Variants in CTNNA3 observed in about 807,000 individuals in gnomAD.
CTNNA3 encodes catenin alpha-3.
A neutral mutation model predicts 95.7 loss-of-function variants in CTNNA3; 76 were observed. That is an observed-to-expected ratio of 0.79 (90% CI 0.66 to 0.96). CTNNA3 has a LOEUF of 0.96. Ranked by LOEUF, CTNNA3 falls within the 40% of genes least tolerant of loss-of-function variation. The pLI, the probability that CTNNA3 is intolerant of heterozygous loss-of-function variation, is 0.00. For missense variants in CTNNA3, 1,191 were observed against 1,089.8 expected, an observed-to-expected ratio of 1.09 and a Z score of -1.31; for synonymous variants, 431 against 374.4, an observed-to-expected ratio of 1.15 and a Z score of -1.74.
intron 7 of CTNNA3, among the ~76,000 whole-genome samples, chr10:66,800,340 T>C (rs1159823412): frequency 1.3e-5 from 2 of 151,318 alleles, no homozygotes; most frequent in Admixed American, 6.6e-5. Context: ...GATGCTTATT[T>C]GGCAGTGTTT....
rs921502353 is a variant in CTNNA3, at chr10:66,453,449, C to T, written c.1531+67168G>A. 6.6e-5 allele frequency among the ~76,000 whole-genome samples: 10 copies of T among 152,208 alleles called. 1 individual carries two copies. Among genetic ancestry groups the T allele is most frequent in the Admixed American group, 2.6e-4 (4 of 15,288 alleles). The stretch of plus-strand genomic sequence containing the variant: ...CTTAGCAGAACCAGGTAACTAAAGC[C>T]CCAGCTTTTTGGCTGGAGATCCGGC... On this transcript the variant is annotated intron_variant, in intron 11 of 17. Coordinates refer to ENST00000433211, the MANE Select transcript of CTNNA3 (RefSeq NM_013266.4).
At chr10:66,054,290 G>T (rs1007180439) in intron 15 of CTNNA3, among the ~76,000 whole-genome samples, 1 of 152,114 alleles carries the variant, frequency 6.6e-6, no homozygotes, top group Non-Finnish European at 1.5e-5. Flanking sequence ...TTTAGATTTT[G>T]AGTAACCTCT....
At chr10:66,708,516 C>A (rs1031750691) in intron 9 of CTNNA3, among the ~76,000 whole-genome samples, 2 of 151,890 alleles carry the variant, frequency 1.3e-5, no homozygotes, top group Non-Finnish European at 2.9e-5. Flanking sequence ...GTCTCAATTA[C>A]CCCTTGTAGG....
At chr10:67,556,926 A>T (rs1841281560) in intron 3 of CTNNA3, among the ~76,000 whole-genome samples, 1 of 152,162 alleles carries the variant, frequency 6.6e-6, no homozygotes, top group Non-Finnish European at 1.5e-5. Flanking sequence ...ACTGCTTTAA[A>T]TGTGTCCCAG....
intron 1 of CTNNA3, among the ~76,000 whole-genome samples, chr10:67,653,648 G>A (rs1241230696): frequency 6.6e-6 from 1 of 152,112 alleles, no homozygotes; most frequent in African/African-American, 2.4e-5. Context: ...CATATTTCGT[G>A]TTAATCTGAA....
rs1457843380 is a variant in CTNNA3 at position 66,380,173 on chromosome 10, C to G, written c.1532-821G>C. On this transcript the variant is annotated intron_variant, in intron 11 of 17. Coordinates refer to ENST00000433211, the MANE Select transcript of CTNNA3 (RefSeq NM_013266.4). ...ATTCTCTTTCTCTCTTTTTTTGTCC[C>G]TCTCACTCTCTCTGTCTGTGTCTCT... Among the ~76,000 whole-genome samples the G allele has an allele frequency of 2.0e-5, 3 of 151,512 alleles. No homozygotes were observed. The East Asian group carries it at 5.8e-4, about 29-fold the overall frequency.
intron 5 of CTNNA3, among the ~76,000 whole-genome samples, chr10:67,435,849 C>T (rs1259557613): frequency 3.3e-5 from 5 of 152,034 alleles, no homozygotes; most frequent in Non-Finnish European, 1.5e-5. Flanking sequence ...GAAAAACATC[C>T]CATGATCATG....
chr10:66,156,634 C>A (rs1023587287), intron 13 of CTNNA3, among the ~76,000 whole-genome samples: 1 of 151,154 alleles, frequency 6.6e-6, no homozygotes. Context: ...GAAAAAAAAA[C>A]AGTAGTGAAC....
chr10:65,925,199 C>T (rs970494184), intron 17 of CTNNA3, among the ~76,000 whole-genome samples: 1 of 152,144 alleles, frequency 6.6e-6, no homozygotes, highest in Non-Finnish European at 1.5e-5. Context: ...TCTAAACTTC[C>T]ACTTTCATCA....
chr10:67,328,981 T>C (rs1841670069), intron 5 of CTNNA3, among the ~76,000 whole-genome samples: 1 of 152,262 alleles, frequency 6.6e-6, no homozygotes, highest in Non-Finnish European at 1.5e-5. Flanking sequence ...TTCTGATTTG[T>C]AACATCCAGA....
At chr10:67,699,669 C>G (rs111381618), upstream of CTNNA3, among the ~76,000 whole-genome samples, 1 of 152,094 alleles carries the variant, frequency 6.6e-6, no homozygotes. Flanking sequence ...GGAACAGCTC[C>G]GGTCTACAGC....
chr10:67,102,153 A>G (rs1040379449), intron 7 of CTNNA3, among the ~76,000 whole-genome samples: 3 of 151,624 alleles, frequency 2.0e-5, no homozygotes, highest in Admixed American at 1.3e-4. Context: ...AGAGCTTCCA[A>G]CTCCTCCCAT....
chr10:67,427,922 C>CA (rs1845978049), intron 5 of CTNNA3, among the ~76,000 whole-genome samples: 1 of 152,018 alleles, frequency 6.6e-6, no homozygotes, highest in African/African-American at 2.4e-5. Flanking sequence ...TAGAGGGAGA[C>CA]AGCTTAGTGA....
At chr10:67,087,721 A>C (rs749723892) in intron 7 of CTNNA3, among the ~76,000 whole-genome samples, 8 of 151,974 alleles carry the variant, frequency 5.3e-5, no homozygotes, top group Non-Finnish European at 8.8e-5. Flanking sequence ...CTGGATCCTT[A>C]CATAATTCGA....
intron 7 of CTNNA3, among the ~76,000 whole-genome samples, chr10:66,868,079 A>T (rs1385528530): frequency 6.7e-6 from 1 of 150,220 alleles, no homozygotes; most frequent in African/African-American, 2.5e-5. Flanking sequence ...ATAATTAGCC[A>T]GGCATGGTGG....
Position 66,211,741 on chromosome 10 carries a change from G to A in CTNNA3, c.1884+68729C>T, listed in dbSNP as rs116344255. ...CGGATAAGAGTTCCTGGTAGTAAGA[G>A]GTGGAGTTTACTGTGGGAGTCCACG... On this transcript the variant is annotated intron_variant, in intron 13 of 17. Transcript: ENST00000433211. Among the ~76,000 whole-genome samples, 960 of 152,254 alleles carry A rather than the reference G, an allele frequency of 6.3e-3. 9 individuals carry two copies. Among genetic ancestry groups the A allele is most frequent in the African/African-American group, 0.022 (896 of 41,554 alleles).
At chr10:67,558,236 G>C (rs1436324278) in intron 3 of CTNNA3, among the ~76,000 whole-genome samples, 1 of 152,130 alleles carries the variant, frequency 6.6e-6, no homozygotes, top group African/African-American at 2.4e-5. Context: ...CTGTAGTATG[G>C]TCCCTCCCAA....
At chr10:66,616,201 A>G (rs1021318695) in intron 10 of CTNNA3, among the ~76,000 whole-genome samples, 4 of 151,964 alleles carry the variant, frequency 2.6e-5, no homozygotes, top group Admixed American at 2.0e-4. Flanking sequence ...TTCACCCAAG[A>G]TTTGTTTGTG....
At chr10:66,413,965 A>G (rs770484149) in intron 11 of CTNNA3, among the ~76,000 whole-genome samples, 6 of 152,312 alleles carry the variant, frequency 3.9e-5, no homozygotes, top group Non-Finnish European at 8.8e-5. Flanking sequence ...TGTGCATTAA[A>G]TCTTCACAGA....
Sources: gnomAD v4.1 joint callset for allele counts (sites outside exome capture counted in the v4.1 genomes callset) on GRCh38, gnomAD v4.1.1 for gene constraint, MANE v1.5 for transcripts, NCBI Gene and HGNC (gene_info 2026-07-23, HGNC 2026-07-21) for gene names.